CFAP299: variants seen among roughly 807,000 people sequenced by gnomAD.
CFAP299 encodes the protein cilia- and flagella-associated protein 299.
A neutral mutation model predicts 27.0 loss-of-function variants in CFAP299; 21 were observed. That is an observed-to-expected ratio of 0.78 (90% confidence interval 0.55 to 1.12). The LOEUF is 1.12. CFAP299 is among the 50% of genes most tolerant of loss of function. The pLI is 0.00. For missense variants in CFAP299, 310 were observed against 276.6 expected (o/e 1.12, Z -0.86); for synonymous variants, 104 against 98.1 (o/e 1.06, Z -0.36).
At chr4:80,369,295 A>G (rs1724014842) in intron 2 of CFAP299, among the ~76,000 whole-genome samples, 1 of 152,332 alleles carries the variant, frequency 6.6e-6, no homozygotes, top group Non-Finnish European at 1.5e-5. Flanking sequence ...CCTCCAGAGC[A>G]TAAAGGCCTC....
At chr4:80,916,565 T>C (rs1735778448) in intron 4 of CFAP299, among the ~76,000 whole-genome samples, 1 of 151,880 alleles carries the variant, frequency 6.6e-6, no homozygotes. Flanking sequence ...CTATATATTA[T>C]AAGGTTTCTG....
chr4:80,921,590 G>T (rs1370048921), intron 4 of CFAP299, among the ~76,000 whole-genome samples: 1 of 152,052 alleles, frequency 6.6e-6, no homozygotes, highest in Non-Finnish European at 1.5e-5. Context: ...AGTAAGACAT[G>T]AAGGGCCATG....
At chr4:80,481,451 A>G (rs957134587) in intron 2 of CFAP299, among the ~76,000 whole-genome samples, 3 of 152,078 alleles carry the variant, frequency 2.0e-5, no homozygotes, top group African/African-American at 7.2e-5. Flanking sequence ...CCAAAGGCAT[A>G]TTTTTAAACT....
intron 2 of CFAP299, among the ~76,000 whole-genome samples, chr4:80,486,771 G>A (rs1730838324): frequency 6.6e-6 from 1 of 152,164 alleles, no homozygotes; most frequent in Admixed American, 6.5e-5. Flanking sequence ...AAAGTTTTTT[G>A]AGTCTCAGTT....
At chr4:80,775,850 A>G (rs1186319298) in intron 3 of CFAP299, among the ~76,000 whole-genome samples, 1 of 152,168 alleles carries the variant, frequency 6.6e-6, no homozygotes, top group African/African-American at 2.4e-5. Context: ...TTTTTAACAC[A>G]TGGAAATATT....
At chr4:80,765,431 T>C (rs1194153892) in intron 3 of CFAP299, among the ~76,000 whole-genome samples, 4 of 151,964 alleles carry the variant, frequency 2.6e-5, no homozygotes, top group Non-Finnish European at 5.9e-5. Context: ...ACAGAAACAA[T>C]GCTACTAAGG....
At chr4:80,638,355 A>G (rs949881659) in intron 3 of CFAP299, among the ~76,000 whole-genome samples, 4 of 152,136 alleles carry the variant, frequency 2.6e-5, no homozygotes, top group Non-Finnish European at 5.9e-5. Flanking sequence ...CACTTTATCG[A>G]TATATGAATT....
intron 2 of CFAP299, among the ~76,000 whole-genome samples, chr4:80,471,886 C>A (rs1222702644): frequency 6.6e-6 from 1 of 152,036 alleles, no homozygotes; most frequent in Non-Finnish European, 1.5e-5. Flanking sequence ...CTTGGCAGCA[C>A]TGACCCGCGG....
At chr4:80,869,377 C>G (rs890707985) in intron 3 of CFAP299, among the ~76,000 whole-genome samples, 6 of 152,140 alleles carry the variant, frequency 3.9e-5, no homozygotes, top group African/African-American at 1.4e-4. Context: ...CTTTTCAGCA[C>G]AGTATTCTCA....
chr4:80,497,714 T>C (rs1336827897), intron 2 of CFAP299, among the ~76,000 whole-genome samples: 3 of 152,148 alleles, frequency 2.0e-5, no homozygotes, highest in Admixed American at 6.5e-5. Flanking sequence ...CCTTACTGCA[T>C]ATTATGAACA....
At chr4:80,497,550 ATAG>A (rs985602806) in intron 2 of CFAP299, among the ~76,000 whole-genome samples, 9 of 152,160 alleles carry the variant, frequency 5.9e-5, no homozygotes, top group Non-Finnish European at 1.2e-4. Flanking sequence ...ATGAGCAGGC[ATAG>A]TAAAGATTGC....
chr4:80,895,993 C>G (rs1162701838), intron 4 of CFAP299, among the ~76,000 whole-genome samples: 1 of 152,010 alleles, frequency 6.6e-6, no homozygotes, highest in South Asian at 2.1e-4. Flanking sequence ...TAACTTCTTT[C>G]ATTTTTAATT....
chr4:80,657,546 G>C (rs1003759600), intron 3 of CFAP299, among the ~76,000 whole-genome samples: 2 of 151,990 alleles, frequency 1.3e-5, no homozygotes, highest in African/African-American at 4.8e-5. Flanking sequence ...GTAGATGTGT[G>C]GAATTATTTC....
Position 80,598,798 on chromosome 4 carries a change from A to G in CFAP299, c.333+15615A>G, listed in dbSNP as rs1336415135. Among the ~76,000 whole-genome samples the G allele has an allele frequency of 1.1e-4, 17 of 152,170 alleles. No homozygotes were observed. The East Asian group carries it at 3.3e-3, about 29-fold the overall frequency. ...TGTTTAAGCAAAGCTATTTAGTTGTACCTAACATACTGTTTCCTCAGATTT... is the reference window on the plus strand; with the variant it reads ...TGTTTAAGCAAAGCTATTTAGTTGTGCCTAACATACTGTTTCCTCAGATTT... On this transcript the variant is annotated intron_variant, in intron 3 of 5. Transcript: ENST00000358105.
At chr4:80,480,874 A>T (rs961056251) in intron 2 of CFAP299, among the ~76,000 whole-genome samples, 2 of 152,082 alleles carry the variant, frequency 1.3e-5, no homozygotes, top group Non-Finnish European at 2.9e-5. Context: ...TTTTAAAATT[A>T]TTCTGTATTA....
At chr4:80,549,761 CTTT>C (rs958009775) in intron 2 of CFAP299, among the ~76,000 whole-genome samples, 20 of 151,894 alleles carry the variant, frequency 1.3e-4, no homozygotes, top group African/African-American at 4.8e-4. Context: ...TGAATGAATT[CTTT>C]TTTTATTCGA....
intron 3 of CFAP299, among the ~76,000 whole-genome samples, chr4:80,733,227 C>A (rs1723641628): frequency 1.3e-5 from 2 of 151,896 alleles, no homozygotes; most frequent in Non-Finnish European, 2.9e-5. Context: ...TAATGTATGC[C>A]AATTTTAATG....
At chr4:80,564,198 T>G (rs1430014578) in intron 2 of CFAP299, among the ~76,000 whole-genome samples, 1 of 151,986 alleles carries the variant, frequency 6.6e-6, no homozygotes, top group Non-Finnish European at 1.5e-5. Context: ...AATATTATCC[T>G]GATACCAAAA....
At chr4:80,608,523 AG>A (rs1246210336) in intron 3 of CFAP299, 14 of 531,088 alleles carry the variant, frequency 2.6e-5, no homozygotes, top group Non-Finnish European at 4.4e-5. Context: ...AGTCACAAGT[AG>A]TGCTTTTATT....
Sources: gnomAD v4.1 joint callset for allele counts (sites outside exome capture counted in the v4.1 genomes callset) on GRCh38, gnomAD v4.1.1 for gene constraint, MANE v1.5 for transcripts, NCBI Gene and HGNC (gene_info 2026-07-23, HGNC 2026-07-21) for gene names.